CALN1: variants seen among roughly 807,000 people sequenced by gnomAD.
CALN1 encodes the protein calcium-binding protein 8.
A neutral mutation model predicts 30.6 loss-of-function variants in CALN1; 17 were observed. The ratio of observed to expected loss-of-function variants is 0.56; its 90% CI spans 0.38 to 0.83. The LOEUF (loss-of-function observed/expected upper bound fraction) is 0.83. CALN1 is among the 40% of genes least tolerant of loss of function. The pLI is 0.00. For missense variants in CALN1, 291 were observed against 354.9 expected (o/e 0.82, Z 1.45); for synonymous variants, 156 against 131.4 (o/e 1.19, Z -1.28).
intron 5 of CALN1, among the ~76,000 whole-genome samples, chr7:71,994,125 T>A (rs556821323): frequency 6.6e-6 from 1 of 152,310 alleles, no homozygotes; most frequent in African/African-American, 2.4e-5. Flanking sequence ...TTTAAATTTT[T>A]AAAAATTTTA....
Position 72,186,547 on chromosome 7 carries a change from G to C in CALN1, c.245-80253C>G, listed in dbSNP as rs1790202975. Among the ~76,000 whole-genome samples the C allele has an allele frequency of 2.0e-5, 3 of 152,114 alleles. No homozygotes were observed. The South Asian group carries it at 6.2e-4, about 32-fold the overall frequency. On this transcript the variant is annotated intron_variant, in intron 3 of 6. Coordinates refer to ENST00000395275, the MANE Select transcript of CALN1 (RefSeq NM_031468.4). The stretch of plus-strand genomic sequence containing the variant: ...CAAGCAGTGAACACAGGGCCCAACA[G>C]GTAGCTTTTCAGCCCTTGCCTCCTT...
chr7:72,440,257 C>A (rs539162741), intron 1 of CALN1, among the ~76,000 whole-genome samples: 1 of 152,148 alleles, frequency 6.6e-6, no homozygotes, highest in East Asian at 1.9e-4. Context: ...ACCCAGAATA[C>A]CCAAAACCCA....
At chr7:72,144,983 G>C (rs1364593877) in intron 3 of CALN1, among the ~76,000 whole-genome samples, 1 of 152,016 alleles carries the variant, frequency 6.6e-6, no homozygotes, top group Non-Finnish European at 1.5e-5. Flanking sequence ...TGTGTAGAGG[G>C]AAATTTATAG....
intron 6 of CALN1, among the ~76,000 whole-genome samples, chr7:71,808,467 T>C (rs1787750786): frequency 2.0e-5 from 3 of 151,922 alleles, no homozygotes; most frequent in Non-Finnish European, 4.4e-5. Context: ...CTATTAACGA[T>C]CATTATATAT....
chr7:72,312,395 A>AG (rs1027098102), intron 2 of CALN1, among the ~76,000 whole-genome samples: 1 of 86,118 alleles, frequency 1.2e-5, no homozygotes, highest in African/African-American at 7.6e-5. Flanking sequence ...TTCATCTCAG[A>AG]AAAAAAAAAA....
At chr7:71,871,723 T>C (rs1348168179) in intron 5 of CALN1, among the ~76,000 whole-genome samples, 1 of 152,160 alleles carries the variant, frequency 6.6e-6, no homozygotes, top group African/African-American at 2.4e-5. Flanking sequence ...TCTTCTCTAG[T>C]TTCCCATGAA....
intron 5 of CALN1, among the ~76,000 whole-genome samples, chr7:71,896,186 C>T (rs1793521751): frequency 6.6e-6 from 1 of 152,140 alleles, no homozygotes. Flanking sequence ...GCAGTTGTTG[C>T]CCAGATGAGG....
At chr7:72,336,480 C>T (rs1438874047) in intron 2 of CALN1, among the ~76,000 whole-genome samples, 8 of 151,850 alleles carry the variant, frequency 5.3e-5, no homozygotes, top group African/African-American at 1.9e-4. Context: ...GCCAGCTCCA[C>T]GGAAGGCAAG....
chr7:72,261,483 A>G (rs947831462), intron 3 of CALN1, among the ~76,000 whole-genome samples: 1 of 151,218 alleles, frequency 6.6e-6, no homozygotes, highest in Non-Finnish European at 1.5e-5. Flanking sequence ...CAGTGGCTGG[A>G]GTGCGATCAT....
At chr7:71,892,438 A>G (rs758371478) in intron 5 of CALN1, among the ~76,000 whole-genome samples, 50 of 152,224 alleles carry the variant, frequency 3.3e-4, no homozygotes, top group Non-Finnish European at 5.7e-4. Flanking sequence ...GGAGTTCGAG[A>G]CCAGCCTTGG....
intron 1 of CALN1, among the ~76,000 whole-genome samples, chr7:72,407,274 C>T (rs993708808): frequency 1.3e-5 from 2 of 152,176 alleles, no homozygotes; most frequent in Non-Finnish European, 2.9e-5. Flanking sequence ...GATAATAACA[C>T]CTACCTTTTA....
At chr7:71,837,243 CAAAAAAAAAAA>C (rs55977265) in intron 5 of CALN1, among the ~76,000 whole-genome samples, 56 of 79,130 alleles carry the variant, frequency 7.1e-4, no homozygotes, top group African/African-American at 2.5e-3. Flanking sequence ...AAAAAAAAGA[CAAAAAAAAAAA>C]AAAAAAAAAA....
intron 4 of CALN1, among the ~76,000 whole-genome samples, chr7:72,062,084 A>G (rs1803693723): frequency 6.6e-6 from 1 of 152,232 alleles, no homozygotes; most frequent in South Asian, 2.1e-4. Context: ...TCAACCCAGA[A>G]TTCTACATCC....
intron 3 of CALN1, among the ~76,000 whole-genome samples, chr7:72,246,899 C>G (rs1169390398): frequency 1.3e-5 from 2 of 151,992 alleles, no homozygotes; most frequent in Non-Finnish European, 2.9e-5. Flanking sequence ...GAATTACAGG[C>G]ATGCGCCACC....
intron 3 of CALN1, among the ~76,000 whole-genome samples, chr7:72,225,552 C>A (rs1793610438): frequency 6.6e-6 from 1 of 151,968 alleles, no homozygotes; most frequent in African/African-American, 2.4e-5. Context: ...ACGGAAAGAT[C>A]ACACACAGCT....
the CALN1 span, among the ~76,000 whole-genome samples, chr7:72,501,768 GC>G: frequency 6.7e-6 from 1 of 150,340 alleles, no homozygotes; most frequent in South Asian, 2.1e-4. Context: ...AATTAGCTGG[GC>G]GTGGTGGTGG....
intron 5 of CALN1, among the ~76,000 whole-genome samples, chr7:71,954,911 A>G (rs983171165): frequency 6.6e-6 from 1 of 152,052 alleles, no homozygotes; most frequent in Non-Finnish European, 1.5e-5. Context: ...TCATTTGACT[A>G]TTATTCTTCT....
At chr7:71,992,274 A>G (rs956596109) in intron 5 of CALN1, among the ~76,000 whole-genome samples, 3 of 152,222 alleles carry the variant, frequency 2.0e-5, no homozygotes, top group African/African-American at 2.4e-5. Flanking sequence ...TGCAGCTCAT[A>G]AACTAGCCTT....
chr7:72,247,811 C>T (rs913245602), intron 3 of CALN1, among the ~76,000 whole-genome samples: 4 of 152,056 alleles, frequency 2.6e-5, no homozygotes, highest in Non-Finnish European at 5.9e-5. Context: ...CTGGGCAATA[C>T]AGCAAGACCC....
Sources: gnomAD v4.1 joint callset for allele counts (sites outside exome capture counted in the v4.1 genomes callset) on GRCh38, gnomAD v4.1.1 for gene constraint, MANE v1.5 for transcripts, NCBI Gene and HGNC (gene_info 2026-07-23, HGNC 2026-07-21) for gene names.